GMDS: variants seen among roughly 807,000 people sequenced by gnomAD.
GMDS encodes the protein GDP-mannose 4,6-dehydratase.
A neutral mutation model predicts 49.9 loss-of-function variants in GMDS; 20 were observed. That is an observed-to-expected ratio of 0.40 (90% CI 0.28 to 0.58). The LOEUF (loss-of-function observed/expected upper bound fraction) is 0.58, where lower values mean the gene tolerates loss of function less well. Among genes scored for constraint, GMDS ranks in the 20% least tolerant of loss-of-function variants. GMDS has a pLI of 0.42. For missense variants in GMDS, 362 were observed against 481.4 expected (o/e 0.75, Z 2.32); for synonymous variants, 177 against 178.6 (o/e 0.99, Z 0.07).
chr6:2,121,126 G>A (rs1392712886), intron 2 of GMDS, among the ~76,000 whole-genome samples: 1 of 152,202 alleles, frequency 6.6e-6, no homozygotes, highest in Non-Finnish European at 1.5e-5. Flanking sequence ...AAGTGGCAGA[G>A]GAAGAGTGAG....
At chr6:1,684,082 G>T (rs573023741) in intron 9 of GMDS, among the ~76,000 whole-genome samples, 1 of 151,572 alleles carries the variant, frequency 6.6e-6, no homozygotes, top group African/African-American at 2.4e-5. Context: ...ACCTGGATCC[G>T]CCCTCTATCA....
chr6:1,802,466 C>T (rs1407207899), intron 7 of GMDS, among the ~76,000 whole-genome samples: 1 of 152,214 alleles, frequency 6.6e-6, no homozygotes, highest in Non-Finnish European at 1.5e-5. Context: ...ATTTTCCTTT[C>T]CAACTATAAA....
chr6:1,725,601 T>G (rs555935255), intron 9 of GMDS, among the ~76,000 whole-genome samples: 135 of 152,192 alleles, frequency 8.9e-4, no homozygotes, highest in African/African-American at 2.8e-3. Context: ...ACCCGGCTAA[T>G]TTTGTATTTT....
intron 4 of GMDS, among the ~76,000 whole-genome samples, chr6:2,072,092 G>C (rs1283053576): frequency 6.6e-6 from 1 of 152,208 alleles, no homozygotes; most frequent in Non-Finnish European, 1.5e-5. Context: ...TTGCATGTCT[G>C]TGTGTTGCTT....
intron 1 of GMDS, among the ~76,000 whole-genome samples, chr6:2,189,078 C>T (rs761390): frequency 0.32 from 47,942 of 151,960 alleles, 9,007 homozygotes; most frequent in East Asian, 0.5. Flanking sequence ...ACACTGAATC[C>T]AGTAAAACCA....
At chr6:1,694,866 T>C (rs2113346374) in intron 9 of GMDS, among the ~76,000 whole-genome samples, 1 of 152,330 alleles carries the variant, frequency 6.6e-6, no homozygotes, top group East Asian at 1.9e-4. Context: ...TTTTATAGAT[T>C]CCTACCTAGT....
At chr6:1,765,864 A>G (rs1277087529) in intron 7 of GMDS, among the ~76,000 whole-genome samples, 1 of 152,146 alleles carries the variant, frequency 6.6e-6, no homozygotes, top group Non-Finnish European at 1.5e-5. Flanking sequence ...GAAATAGCAG[A>G]ACAAACGCAA....
intron 4 of GMDS, among the ~76,000 whole-genome samples, chr6:2,039,759 T>C (rs1008774052): frequency 6.6e-6 from 1 of 152,148 alleles, no homozygotes; most frequent in Non-Finnish European, 1.5e-5. Flanking sequence ...TAACACCTTC[T>C]TCTGAAATCC....
intron 4 of GMDS, among the ~76,000 whole-genome samples, chr6:2,073,414 T>A (rs1316218902): frequency 6.6e-6 from 1 of 152,206 alleles, no homozygotes; most frequent in Admixed American, 6.5e-5. Context: ...CATGTGATAT[T>A]TTGCTACATG....
At chr6:2,187,586 G>A (rs1778834312) in intron 1 of GMDS, among the ~76,000 whole-genome samples, 1 of 152,164 alleles carries the variant, frequency 6.6e-6, no homozygotes. Flanking sequence ...TATCCTATGA[G>A]AGTGGTGCCA....
intron 4 of GMDS, among the ~76,000 whole-genome samples, chr6:2,083,702 C>T (rs1772846686): frequency 6.6e-6 from 1 of 152,168 alleles, no homozygotes; most frequent in Admixed American, 6.5e-5. Flanking sequence ...TCTGATTTCT[C>T]ACAAACCTTC....
At chr6:2,139,807 G>A (rs1776194728) in intron 1 of GMDS, among the ~76,000 whole-genome samples, 1 of 152,152 alleles carries the variant, frequency 6.6e-6, no homozygotes, top group African/African-American at 2.4e-5. Context: ...GATGCAGAGT[G>A]TGTTAAAAAT....
At chr6:2,025,219 A>C (rs1768512458) in intron 4 of GMDS, among the ~76,000 whole-genome samples, 1 of 152,100 alleles carries the variant, frequency 6.6e-6, no homozygotes, top group African/African-American at 2.4e-5. Flanking sequence ...GTTGATTTTT[A>C]TTTTTATTTT....
chr6:1,834,705 C>T (rs186159283), intron 7 of GMDS, among the ~76,000 whole-genome samples: 1 of 152,210 alleles, frequency 6.6e-6, no homozygotes, highest in East Asian at 1.9e-4. Flanking sequence ...TTAAACTATA[C>T]AATAATTCCA....
intron 9 of GMDS, among the ~76,000 whole-genome samples, chr6:1,725,296 T>C (rs1223902564): frequency 6.6e-6 from 1 of 152,242 alleles, no homozygotes; most frequent in Non-Finnish European, 1.5e-5. Context: ...TAGGCAGCTT[T>C]ATAAGTTTAG....
chr6:1,760,406 A>G (rs1561787351), intron 7 of GMDS, among the ~76,000 whole-genome samples: 1 of 152,176 alleles, frequency 6.6e-6, no homozygotes, highest in Non-Finnish European at 1.5e-5. Flanking sequence ...AGTGGGGAAG[A>G]TGGCCACTTG....
chr6:1,717,894 T>C (rs1032249143), intron 9 of GMDS, among the ~76,000 whole-genome samples: 2 of 152,190 alleles, frequency 1.3e-5, no homozygotes, highest in Non-Finnish European at 2.9e-5. Context: ...TGATTTGAAA[T>C]TGGGTCTCTG....
At chr6:2,021,231 G>T (rs905767127) in intron 4 of GMDS, among the ~76,000 whole-genome samples, 1 of 152,202 alleles carries the variant, frequency 6.6e-6, no homozygotes, top group Non-Finnish European at 1.5e-5. Flanking sequence ...AGCCCAGCTT[G>T]TTGCTATTTT....
At chr6:2,018,102 A>G (rs1462802514) in intron 4 of GMDS, among the ~76,000 whole-genome samples, 4 of 152,132 alleles carry the variant, frequency 2.6e-5, no homozygotes, top group African/African-American at 9.7e-5. Context: ...CTTCATTGAA[A>G]TCTTCAGCTA....
Sources: allele counts gnomAD v4.1 joint callset (sites outside exome capture counted in the v4.1 genomes callset), GRCh38; gene constraint gnomAD v4.1.1; transcripts MANE v1.5; gene names NCBI Gene and HGNC (gene_info 2026-07-23, HGNC 2026-07-21).